The following MAP4K4 variants were observed in gnomAD, a reference collection of about 807,000 sequenced individuals.
MAP4K4 encodes HPK/GCK-like kinase HGK.
A neutral mutation model predicts 189.6 loss-of-function variants in MAP4K4; 38 were observed. That is an observed-to-expected ratio of 0.20 (90% confidence interval 0.15 to 0.26). MAP4K4 has a LOEUF of 0.26. Ranked by LOEUF, MAP4K4 falls within the 10% of genes least tolerant of loss-of-function variation. The probability of loss-of-function intolerance (pLI) is 1.00; values close to 1 mark genes in which losing one functional copy is unlikely to be tolerated. For synonymous variants in MAP4K4, 610 were observed against 624.3 expected (o/e 0.98, Z 0.34); for missense variants, 1,054 against 1,726.9 (o/e 0.61, Z 6.91).
At position 101,860,976 on chromosome 2, in the gene MAP4K4, C is replaced by T. The variant is rs201446088; in HGVS notation, c.1856C>T (p.Ala619Val). ...GTGCATCCCGCCCTGCAGAGACCAG[C>T]GGAGCCACAGGTAGCGACAGCCAGC... Residue 619 changes from alanine to valine, a missense_variant, in exon 16 of 33, where the codon GCG (alanine) becomes GTG (valine). Coordinates refer to ENST00000324219, the Ensembl canonical transcript of MAP4K4. The T allele has an allele frequency of 4.6e-5, 74 of 1,597,584 alleles. No individual in the cohort carries two copies. In the East Asian group the frequency reaches 9.9e-4, roughly 21 times the overall value.
At position 101,867,421 on chromosome 2, in the gene MAP4K4, T is replaced by G. The variant is rs17745869; in HGVS notation, c.2454+112T>G. On this transcript the variant is annotated intron_variant, in intron 20 of 32. Coordinates refer to ENST00000324219, the Ensembl canonical transcript of MAP4K4. ...CTTTTCTGCGAGGGCCCCTCACAGA[T>G]TTGAGGAATTATAAGGAATGACCTA... 206,860 of 732,416 alleles carry G rather than the reference T, an allele frequency of 0.28. 32,100 individuals carry two copies. The highest frequency in any genetic ancestry group is 0.31 in the Admixed American group (12,405 of 39,476). The allele number at this position is 732,416 out of a possible 1,614,324, so 45.4% of individuals were successfully genotyped here.
intron 2 of MAP4K4, among the ~76,000 whole-genome samples, chr2:101,743,921 G>T (rs1676030502): frequency 6.6e-6 from 1 of 152,188 alleles, no homozygotes; most frequent in African/African-American, 2.4e-5. Context: ...GTCTCCCAAA[G>T]TGCTGTGATT....
At chr2:101,831,137 C>T (rs1040778302) in intron 6 of MAP4K4, among the ~76,000 whole-genome samples, 24 of 152,154 alleles carry the variant, frequency 1.6e-4, no homozygotes, top group African/African-American at 5.3e-4. Flanking sequence ...GAACTTTCCT[C>T]TAGACCACCA....
At chr2:101,779,051 G>T (rs946607969) in intron 2 of MAP4K4, among the ~76,000 whole-genome samples, 2 of 152,092 alleles carry the variant, frequency 1.3e-5, no homozygotes, top group Non-Finnish European at 2.9e-5. Context: ...GCTGTATTAT[G>T]TATTAAAGTA....
intron 2 of MAP4K4, among the ~76,000 whole-genome samples, chr2:101,727,859 C>A (rs1217272673): frequency 6.6e-6 from 1 of 152,142 alleles, no homozygotes; most frequent in South Asian, 2.1e-4. Context: ...GTTCCAGCTA[C>A]TCGGGAGGTT....
intron 2 of MAP4K4, among the ~76,000 whole-genome samples, chr2:101,765,892 A>G (rs368971910): frequency 6.6e-6 from 1 of 151,856 alleles, no homozygotes. Context: ...GACCCGGTTG[A>G]ATTTCTCTAA....
At chr2:101,707,280 C>T (rs1158221604) in intron 2 of MAP4K4, among the ~76,000 whole-genome samples, 1 of 148,912 alleles carries the variant, frequency 6.7e-6, no homozygotes, top group East Asian at 2.0e-4. Flanking sequence ...GCCATCTTGG[C>T]TTACTGTAGC....
chr2:101,713,698 T>C (rs1287365964), intron 2 of MAP4K4, among the ~76,000 whole-genome samples: 1 of 148,994 alleles, frequency 6.7e-6, no homozygotes, highest in Admixed American at 6.8e-5. Context: ...AATTCAAGAC[T>C]AGCCTCACCA....
At chr2:101,753,148 A>G (rs1210892479) in intron 2 of MAP4K4, among the ~76,000 whole-genome samples, 1 of 152,204 alleles carries the variant, frequency 6.6e-6, no homozygotes, top group African/African-American at 2.4e-5. Context: ...CATTTTTTAG[A>G]TGATGAAACT....
At position 101,744,240 on chromosome 2, in the gene MAP4K4, GAGT is replaced by G. The variant is rs375454172; in HGVS notation, c.123+45705_123+45707del. On this transcript the variant is annotated intron_variant, in intron 2 of 32. Transcript: ENST00000324219. ...AAAAGAGAGGCGAAATTAATTTTAA[GAGT>G]AGATTTTATTTAACCTATTTTAGCC... is the stretch of plus-strand genomic sequence containing the variant. 1.3e-3 allele frequency among the ~76,000 whole-genome samples: 199 copies of G among 152,312 alleles called. 1 individual carries two copies. The highest frequency in any genetic ancestry group is 4.5e-3 in the African/African-American group (186 of 41,570).
At chr2:101,793,364 G>A (rs986569827) in intron 3 of MAP4K4, among the ~76,000 whole-genome samples, 2 of 152,208 alleles carry the variant, frequency 1.3e-5, no homozygotes, top group Non-Finnish European at 2.9e-5. Flanking sequence ...CAGGCAGCCT[G>A]GAAAACAAGC....
At chr2:101,698,642 T>G (rs573108235) in intron 2 of MAP4K4, 104 bp downstream of exon 2, 1 of 1,051,660 alleles carries the variant, frequency 9.5e-7, no homozygotes, top group Non-Finnish European at 1.5e-6. Context: ...CCACGCCGCT[T>G]GGCCAAAGTT....
chr2:101,786,800 G>A (rs1424409291), intron 2 of MAP4K4, among the ~76,000 whole-genome samples: 1 of 152,146 alleles, frequency 6.6e-6, no homozygotes, highest in Non-Finnish European at 1.5e-5. Flanking sequence ...CTGCTTTGTT[G>A]CCCTCATAGG....
chr2:101,801,204 A>T (rs958190167), intron 3 of MAP4K4, among the ~76,000 whole-genome samples: 5 of 152,106 alleles, frequency 3.3e-5, no homozygotes, highest in Non-Finnish European at 7.3e-5. Flanking sequence ...CATTCCCTGT[A>T]AATGTATAGA....
At chr2:101,751,133 G>A (rs1370739765) in intron 2 of MAP4K4, among the ~76,000 whole-genome samples, 1 of 152,166 alleles carries the variant, frequency 6.6e-6, no homozygotes, top group African/African-American at 2.4e-5. Flanking sequence ...TTTAATAACA[G>A]CTTTTCAGCT....
rs780876898 is a variant in MAP4K4, at chr2:101,698,553, CTTCT to C, written c.123+18_123+21del. 21 of 1,611,562 alleles carry C rather than the reference CTTCT, an allele frequency of 1.3e-5. No homozygotes were observed. The highest frequency in any genetic ancestry group is 3.3e-4 in the Middle Eastern group (2 of 6,078). On this transcript the variant is annotated intron_variant, in intron 2 of 32. Coordinates refer to ENST00000324219, the Ensembl canonical transcript of MAP4K4. The stretch of plus-strand genomic sequence containing the variant: ...AAGTCTATAAGGTCGGTGTGGGCGC[CTTCT>C]TTGTTTCCCGTGGCATGTGGAAACT...
At chr2:101,717,497 C>T (rs1019563404) in intron 2 of MAP4K4, among the ~76,000 whole-genome samples, 1 of 152,140 alleles carries the variant, frequency 6.6e-6, no homozygotes, top group African/African-American at 2.4e-5. Context: ...CTCTTAATTT[C>T]TTTTTGTGTC....
intron 2 of MAP4K4, among the ~76,000 whole-genome samples, chr2:101,746,878 T>G (rs998067560): frequency 6.6e-6 from 1 of 152,144 alleles, no homozygotes; most frequent in African/African-American, 2.4e-5. Context: ...CCAGTGTATA[T>G]TGTTGCTTAA....
rs1406662922 is a variant in MAP4K4, at chr2:101,804,957, C to T, written c.180+14181C>T. 2.6e-5 allele frequency among the ~76,000 whole-genome samples: 4 copies of T among 151,652 alleles called. No homozygotes were observed. The Middle Eastern group carries it at 0.01, about 390-fold the overall frequency. On this transcript the variant is annotated intron_variant, in intron 3 of 32. Transcript: ENST00000324219. The stretch of plus-strand genomic sequence containing the variant: ...AGCGTGGTGGCACGTGACTGTAATC[C>T]CAGCTACTCGGGAGGCTGAGGCAGG...
Sources: gnomAD v4.1 joint callset for allele counts (sites outside exome capture counted in the v4.1 genomes callset) on GRCh38, gnomAD v4.1.1 for gene constraint, MANE v1.5 for transcripts, NCBI Gene and HGNC (gene_info 2026-07-23, HGNC 2026-07-21) for gene names.